The following CBLB variants were observed in gnomAD, a reference collection of about 807,000 sequenced individuals.
CBLB encodes the protein E3 ubiquitin-protein ligase CBL-B.
A neutral mutation model predicts 104.9 loss-of-function variants in CBLB; 31 were observed. The observed-to-expected ratio is 0.30, with a 90% confidence interval of 0.22 to 0.40. The LOEUF is 0.40. Among genes scored for constraint, CBLB ranks in the 10% least tolerant of loss-of-function variants. The probability of loss-of-function intolerance (pLI) is 1.00; values close to 1 mark genes in which losing one functional copy is unlikely to be tolerated. For synonymous variants in CBLB, 440 were observed against 422.6 expected (o/e 1.04, Z -0.51); for missense variants, 1,062 against 1,214.6 (o/e 0.87, Z 1.87).
chr3:105,823,697 T>C (rs2086191148), intron 3 of CBLB, among the ~76,000 whole-genome samples: 1 of 152,148 alleles, frequency 6.6e-6, no homozygotes, highest in Non-Finnish European at 1.5e-5. Context: ...AATCTTGACC[T>C]TTGAAAAAGA....
At chr3:105,866,516 T>G (rs1175427360) in intron 2 of CBLB, among the ~76,000 whole-genome samples, 1 of 152,216 alleles carries the variant, frequency 6.6e-6, no homozygotes, top group African/African-American at 2.4e-5. Context: ...GTTCCAAACA[T>G]TTACTAATAA....
At chr3:105,737,819 ACACACAGG>A (rs1560024378) in intron 7 of CBLB, among the ~76,000 whole-genome samples, 1 of 152,168 alleles carries the variant, frequency 6.6e-6, no homozygotes, top group Non-Finnish European at 1.5e-5. Flanking sequence ...AAACACACAG[ACACACAGG>A]CACATACACA....
At chr3:105,746,094 AT>A in intron 5 of CBLB, 56 bp from the exon 6 acceptor site, 1 of 1,157,798 alleles carries the variant, frequency 8.6e-7, no homozygotes. Context: ...AAATATTTTG[AT>A]TACATACTGA....
chr3:105,801,290 T>C (rs1474878679), intron 3 of CBLB, among the ~76,000 whole-genome samples: 3 of 152,196 alleles, frequency 2.0e-5, no homozygotes, highest in African/African-American at 7.2e-5. Flanking sequence ...GAAACTAAAA[T>C]GATACTTAAT....
intron 10 of CBLB, among the ~76,000 whole-genome samples, chr3:105,708,058 G>A (rs1056470813): frequency 2.6e-5 from 4 of 152,076 alleles, no homozygotes; most frequent in African/African-American, 9.7e-5. Flanking sequence ...GGACCTGAAT[G>A]TGGGAATTCA....
At chr3:105,718,658 T>C (rs1405977034) in intron 10 of CBLB, among the ~76,000 whole-genome samples, 1 of 152,198 alleles carries the variant, frequency 6.6e-6, no homozygotes, top group Non-Finnish European at 1.5e-5. Flanking sequence ...CAAATCCTAA[T>C]GAACTACAGT....
Position 105,681,567 on chromosome 3 carries a change from A to C in CBLB, c.2340T>G (p.Pro780=). 6.2e-7 allele frequency: 1 copy of C among 1,614,080 alleles called. No individual in the cohort carries two copies. Among genetic ancestry groups the C allele is most frequent in the Non-Finnish European group, 8.5e-7 (1 of 1,179,904 alleles). The part of the protein sequence containing the change: ...DSASDPVPLP[P]ARPPTRDNPK... ...GATTGTCCCGAGTTGGAGGCCTGGC[A>C]GGTGGTAATGGCACGGGATCAGAGG... The change falls in exon 16 of 19, where the codon CCT becomes CCG. Residue 780 remains proline (P), a synonymous_variant. Coordinates refer to ENST00000394030, the MANE Select transcript of CBLB (RefSeq NM_170662.5).
chr3:105,658,848 C>T lies in CBLB; in HGVS notation c.*122G>A, dbSNP rs1252196450. On this transcript the variant is annotated 3_prime_UTR_variant, in exon 19 of 19. Coordinates refer to ENST00000394030, the MANE Select transcript of CBLB (RefSeq NM_170662.5). ...TTTGAGAAGCTGCACTCCCAAGCCTCTTCTCAAGCTGCTACACGAGGAGGA... is the reference window on the plus strand; with the variant it reads ...TTTGAGAAGCTGCACTCCCAAGCCTTTTCTCAAGCTGCTACACGAGGAGGA... 1 of 1,087,884 alleles carries T rather than the reference C, an allele frequency of 9.2e-7. No individual in the cohort carries two copies. The highest frequency in any genetic ancestry group is 1.4e-6 in the Non-Finnish European group (1 of 731,108). 67.4% of individuals were successfully genotyped at this position (1,087,884 alleles called of 1,614,324 possible).
At chr3:105,756,678 A>C (rs1444551165) in intron 4 of CBLB, among the ~76,000 whole-genome samples, 3 of 152,224 alleles carry the variant, frequency 2.0e-5, no homozygotes, top group Non-Finnish European at 4.4e-5. Flanking sequence ...AACATTAACA[A>C]GTATGTACTC....
intron 3 of CBLB, among the ~76,000 whole-genome samples, chr3:105,816,965 G>A (rs1577461013): frequency 6.6e-6 from 1 of 152,118 alleles, no homozygotes. Context: ...TTCAGCAAAA[G>A]GAGAAATCAG....
intron 16 of CBLB, among the ~76,000 whole-genome samples, chr3:105,679,537 G>C (rs2066056735): frequency 6.6e-6 from 1 of 151,994 alleles, no homozygotes; most frequent in Non-Finnish European, 1.5e-5. Flanking sequence ...CAGCATTTTG[G>C]GAGGCCAAGG....
At chr3:105,716,490 A>G (rs1056306861) in intron 10 of CBLB, among the ~76,000 whole-genome samples, 1 of 152,216 alleles carries the variant, frequency 6.6e-6, no homozygotes, top group Admixed American at 6.5e-5. Context: ...ATAAAATACT[A>G]TAAGAACATA....
At chr3:105,715,550 G>GC (rs2071731173) in intron 10 of CBLB, among the ~76,000 whole-genome samples, 1 of 152,126 alleles carries the variant, frequency 6.6e-6, no homozygotes, top group Non-Finnish European at 1.5e-5. Context: ...TACGATGGCA[G>GC]CATTACTCAT....
chr3:105,680,554 A>C (rs2152725569), intron 16 of CBLB, among the ~76,000 whole-genome samples: 1 of 152,350 alleles, frequency 6.6e-6, no homozygotes, highest in South Asian at 2.1e-4. Flanking sequence ...TGTAGGTAAC[A>C]GAGTTAGGAG....
chr3:105,747,543 G>A (rs2076227894), intron 5 of CBLB, among the ~76,000 whole-genome samples: 1 of 151,948 alleles, frequency 6.6e-6, no homozygotes, highest in African/African-American at 2.4e-5. Flanking sequence ...TACCTAATTG[G>A]GCAAGAAAGG....
At chr3:105,678,379 T>C in intron 17 of CBLB, 52 bp downstream of exon 17, 1 of 1,551,300 alleles carries the variant, frequency 6.4e-7, no homozygotes, top group Non-Finnish European at 8.9e-7. Context: ...AGTATGGTTT[T>C]GGAAATATTT....
At position 105,737,160 on chromosome 3, in the gene CBLB, AT is replaced by A. The variant is rs2075041842; in HGVS notation, c.1071+10del. On this transcript the variant is annotated intron_variant, in intron 8 of 18. Transcript: ENST00000394030. The stretch of plus-strand genomic sequence containing the variant: ...CTTATTTAATTATACTTTTCTAGCA[AT>A]TATCCTTACCTGTGTAACTTTTATA... The A allele has an allele frequency of 7.0e-7, 1 of 1,432,654 alleles. No individual in the cohort carries two copies. The highest frequency in any genetic ancestry group is 1.7e-5 in the Admixed American group (1 of 57,878). 88.7% of individuals were successfully genotyped at this position (1,432,654 alleles called of 1,614,324 possible). A position where few individuals can be genotyped will look rare whatever the true frequency, so the allele number is the denominator to read the frequency against.
intron 12 of CBLB, among the ~76,000 whole-genome samples, chr3:105,696,140 C>T (rs896140133): frequency 3.3e-5 from 5 of 151,474 alleles, no homozygotes; most frequent in Non-Finnish European, 7.4e-5. Context: ...TTCCTATAAA[C>T]TGTTCATAAA....
At chr3:105,700,846 T>G (rs1411616222) in intron 12 of CBLB, among the ~76,000 whole-genome samples, 1 of 152,238 alleles carries the variant, frequency 6.6e-6, no homozygotes, top group Non-Finnish European at 1.5e-5. Flanking sequence ...TCATTATCAC[T>G]GTACCTCCAC....
Sources: gnomAD v4.1 joint callset for allele counts (sites outside exome capture counted in the v4.1 genomes callset) on GRCh38, gnomAD v4.1.1 for gene constraint, MANE v1.5 for transcripts, NCBI Gene and HGNC (gene_info 2026-07-23, HGNC 2026-07-21) for gene names.